Variants in LEPR observed in about 807,000 individuals in gnomAD.
LEPR encodes leptin receptor, also known as OB receptor.
In LEPR, 56 loss-of-function variants were observed where a neutral mutation model predicts 114.7. The ratio of observed to expected loss-of-function variants is 0.49; its 90% CI spans 0.39 to 0.61. The LOEUF is 0.61. Among genes scored for constraint, LEPR ranks in the 20% least tolerant of loss-of-function variants. The pLI, the probability that LEPR is intolerant of heterozygous loss-of-function variation, is 0.00. For missense variants in LEPR, 1,202 were observed against 1,352.9 expected (o/e 0.89, Z 1.75); for synonymous variants, 443 against 461.4 (o/e 0.96, Z 0.51).
chr1:65,485,026 A>T (rs548285753), intron 2 of LEPR, among the ~76,000 whole-genome samples: 1 of 152,346 alleles, frequency 6.6e-6, no homozygotes, highest in African/African-American at 2.4e-5. Flanking sequence ...GAAGCCGGAT[A>T]GTAAAGATGC....
At chr1:65,432,936 A>C in intron 2 of LEPR, 1 of 976,432 alleles carries the variant, frequency 1.0e-6, no homozygotes, top group East Asian at 1.1e-4. Context: ...TTGTCAATAT[A>C]TAATCAAAAT....
chr1:65,476,936 A>G (rs1457391447), intron 2 of LEPR, among the ~76,000 whole-genome samples: 1 of 152,218 alleles, frequency 6.6e-6, no homozygotes, highest in Non-Finnish European at 1.5e-5. Context: ...CTTTTAAGAA[A>G]TAAAGATGCC....
At chr1:65,449,438 G>C (rs1055895249) in intron 2 of LEPR, among the ~76,000 whole-genome samples, 1 of 151,998 alleles carries the variant, frequency 6.6e-6, no homozygotes, top group Non-Finnish European at 1.5e-5. Context: ...CCTCCCTCTC[G>C]GACCCTGGGG....
intron 5 of LEPR, among the ~76,000 whole-genome samples, chr1:65,585,197 A>C (rs563153569): frequency 6.6e-6 from 1 of 152,196 alleles, no homozygotes; most frequent in South Asian, 2.1e-4. Context: ...ATAGATTACC[A>C]ATCTGAAATT....
chr1:65,546,236 T>A (rs1651708267), intron 2 of LEPR, among the ~76,000 whole-genome samples: 2 of 152,198 alleles, frequency 1.3e-5, no homozygotes, highest in African/African-American at 2.4e-5. Flanking sequence ...TGAAGTCAGG[T>A]AGAGTGATGC....
chr1:65,522,287 G>A (rs1649672889), intron 2 of LEPR, among the ~76,000 whole-genome samples: 1 of 152,014 alleles, frequency 6.6e-6, no homozygotes. Context: ...CAGTAATTTG[G>A]TTAGGTTAAG....
chr1:65,513,586 G>C lies in LEPR; in HGVS notation c.-20-51960G>C, dbSNP rs1263634016. Among the ~76,000 whole-genome samples, 3 of 152,252 alleles carry C rather than the reference G, an allele frequency of 2.0e-5. No homozygotes were observed. In the East Asian group the frequency reaches 5.8e-4, roughly 29 times the overall value. Reference sequence around the variant, plus strand: ...GGGAATAGGCCTGGTGGGTTTTGCTGTCAAATCCCATTATACTCCTGCAGA... The same window carrying C: ...GGGAATAGGCCTGGTGGGTTTTGCTCTCAAATCCCATTATACTCCTGCAGA... On this transcript the variant is annotated intron_variant, in intron 2 of 19. Transcript: ENST00000349533.
rs377399607 is a variant in LEPR, at chr1:65,616,046, A to T, written c.2034A>T (p.Arg678Ser). 1.3e-5 allele frequency: 21 copies of T among 1,614,048 alleles called. No homozygotes were observed. In the African/African-American group the frequency reaches 2.7e-4, roughly 21 times the overall value. Residue 678 changes from arginine (R) to serine (S), a missense_variant, in exon 15 of 20, where the codon AGA (arginine) becomes AGT (serine). By Grantham distance (110) the Arg-to-Ser change is moderately radical (BLOSUM62 -1). Coordinates refer to ENST00000349533, the MANE Select transcript of LEPR (RefSeq NM_002303.6). Reference protein sequence around the residue: ...MKNDSLCSVQRYVINHHTSCN... With the variant: ...MKNDSLCSVQSYVINHHTSCN... ...ATGACTCATTGTGCAGTGTTCAGAGATATGTGATAAACCATCATACTTCCT... is the reference window on the plus strand; with the variant it reads ...ATGACTCATTGTGCAGTGTTCAGAGTTATGTGATAAACCATCATACTTCCT...
chr1:65,435,718 C>A (rs996956390), intron 2 of LEPR: 1 of 985,314 alleles, frequency 1.0e-6, no homozygotes, highest in Non-Finnish European at 1.2e-6. Context: ...CCCAATAGAA[C>A]CAAAATATTT....
chr1:65,521,485 G>A (rs1649634942), intron 2 of LEPR, among the ~76,000 whole-genome samples: 1 of 152,130 alleles, frequency 6.6e-6, no homozygotes, highest in African/African-American at 2.4e-5. Context: ...ATTGGGGACT[G>A]CAGCCTAGCC....
chr1:65,568,653 T>C (rs1245202679), intron 3 of LEPR, among the ~76,000 whole-genome samples: 21 of 152,182 alleles, frequency 1.4e-4, no homozygotes, highest in Admixed American at 1.3e-3. Flanking sequence ...AGGTGTCTTT[T>C]TGTTACAATG....
In LEPR at chr1:65,596,559, A is replaced by T. The variant is rs1051519123; in HGVS notation, c.815A>T (p.Lys272Ile). Residue 272 changes from lysine to isoleucine, a missense_variant, in exon 7 of 20, where the codon AAA (lysine) becomes ATA (isoleucine). Transcript: ENST00000349533. ...LVPFPLQYQV[K>I]YSENSTTVIR... ...CCATTTCCACTTCAATATCAAGTGA[A>T]ATATTCAGAGAATTCTACAACAGTT... 2 of 1,612,698 alleles carry T rather than the reference A, an allele frequency of 1.2e-6. No individual in the cohort carries two copies. Among genetic ancestry groups the T allele is most frequent in the East Asian group, 4.5e-5 (2 of 44,784 alleles).
chr1:65,427,437 G>A (rs985385254), intron 2 of LEPR, among the ~76,000 whole-genome samples: 1 of 152,180 alleles, frequency 6.6e-6, no homozygotes, highest in African/African-American at 2.4e-5. Flanking sequence ...CAGGCATGGT[G>A]CCTGTAGCAG....
chr1:65,544,989 A>G (rs1651563914), intron 2 of LEPR, among the ~76,000 whole-genome samples: 1 of 147,628 alleles, frequency 6.8e-6, no homozygotes, highest in Non-Finnish European at 1.5e-5. Context: ...CCAGAGTGTG[A>G]TGTTCCCCTT....
intron 2 of LEPR, among the ~76,000 whole-genome samples, chr1:65,459,705 G>T (rs1238314736): frequency 6.6e-5 from 10 of 152,244 alleles, no homozygotes; most frequent in African/African-American, 2.4e-4. Context: ...TGGCAGAACT[G>T]CCCATTACAC....
At chr1:65,509,336 C>A (rs938114529) in intron 2 of LEPR, among the ~76,000 whole-genome samples, 7 of 152,084 alleles carry the variant, frequency 4.6e-5, no homozygotes, top group African/African-American at 1.7e-4. Context: ...GTGTGTATGG[C>A]CTTTATTGTG....
chr1:65,542,259 G>A (rs1191326037), intron 2 of LEPR, among the ~76,000 whole-genome samples: 1 of 151,504 alleles, frequency 6.6e-6, no homozygotes, highest in Non-Finnish European at 1.5e-5. Context: ...TTCAACATAG[G>A]CTTTTTTTTC....
intron 2 of LEPR, among the ~76,000 whole-genome samples, chr1:65,507,077 G>T (rs1023118947): frequency 6.6e-6 from 1 of 152,066 alleles, no homozygotes; most frequent in Non-Finnish European, 1.5e-5. Context: ...TTGAGACCAA[G>T]TCTTGCTCTA....
rs919420518 is a variant in LEPR, at chr1:65,640,546, T to C, written c.*3531T>C. On this transcript the variant is annotated 3_prime_UTR_variant, in exon 20 of 20. Transcript: ENST00000349533. ...AGTTACCAAGAAATGTGAAGAAGTA[T>C]TTATAAAAGGAAGCTACATAAGTAG... 6.6e-6 allele frequency: 1 copy of C among 152,170 alleles called. No individual in the cohort carries two copies. The highest frequency in any genetic ancestry group is 1.5e-5 in the Non-Finnish European group (1 of 68,022). The allele number at this position is 152,170 out of a possible 1,614,324, so 9.4% of individuals were successfully genotyped here.
Sources: allele counts gnomAD v4.1 joint callset (sites outside exome capture counted in the v4.1 genomes callset), GRCh38; gene constraint gnomAD v4.1.1; transcripts MANE v1.5; gene names NCBI Gene and HGNC (gene_info 2026-07-23, HGNC 2026-07-21).